The following CFAP70 variants were observed in gnomAD, a reference collection of about 807,000 sequenced individuals.
CFAP70 encodes cilia and flagella associated protein 70.
A neutral mutation model predicts 137.6 loss-of-function variants in CFAP70; 81 were observed. The ratio of observed to expected loss-of-function variants is 0.59; its 90% CI spans 0.49 to 0.71. The LOEUF is 0.71. Among genes scored for constraint, CFAP70 ranks in the 30% least tolerant of loss-of-function variants. The probability of loss-of-function intolerance (pLI) is 0.00; values close to 1 mark genes in which losing one functional copy is unlikely to be tolerated. For synonymous variants in CFAP70, 382 were observed against 423.6 expected (o/e 0.90, Z 1.20); for missense variants, 976 against 1,226.7 (o/e 0.80, Z 3.05).
At chr10:73,289,874 C>T (rs2131893500) in intron 19 of CFAP70, among the ~76,000 whole-genome samples, 1 of 151,930 alleles carries the variant, frequency 6.6e-6, no homozygotes, top group African/African-American at 2.4e-5. Flanking sequence ...GGTGAAACCC[C>T]ATCTCTACTA....
chr10:73,338,055 T>C (rs893129466), intron 6 of CFAP70, among the ~76,000 whole-genome samples: 14 of 152,130 alleles, frequency 9.2e-5, no homozygotes, highest in African/African-American at 2.9e-4. Flanking sequence ...TGGGGTAACG[T>C]TGGTAATTTT....
rs772177826 is a variant in CFAP70 at position 73,281,167 on chromosome 10, ATTAT to A, written c.2240-2834_2240-2831del. 1.1e-4 allele frequency among the ~76,000 whole-genome samples: 16 copies of A among 151,600 alleles called. No homozygotes were observed. The East Asian group carries it at 1.2e-3, about 11-fold the overall frequency. ...GATTTCTTCTTTGACCTGTGGGTTGATTATTTATTTATTTAGATCTGTATGTATT... is the reference window on the plus strand; with the variant it reads ...GATTTCTTCTTTGACCTGTGGGTTGATTATTTATTTAGATCTGTATGTATT... On this transcript the variant is annotated intron_variant, in intron 19 of 26. Coordinates refer to ENST00000310715, the Ensembl canonical transcript of CFAP70.
At chr10:73,293,505 T>TCA in intron 15 of CFAP70, 117 bp from the exon 17 acceptor site, 1 of 872,704 alleles carries the variant, frequency 1.1e-6, no homozygotes. Flanking sequence ...TACTGATTGA[T>TCA]GTCTATAATG....
chr10:73,358,916 T>G (rs1448065857), upstream of CFAP70: 2 of 152,274 alleles, frequency 1.3e-5, 1 homozygote, highest in South Asian at 4.1e-4. Context: ...GCCTGCTGTT[T>G]CCGCGGATGC....
rs189149272 is a variant in CFAP70, at chr10:73,345,676, G to A, written c.350-562C>T. Among the ~76,000 whole-genome samples the A allele has an allele frequency of 1.3e-3, 201 of 151,924 alleles. 1 individual carries two copies. Among genetic ancestry groups the A allele is most frequent in the Non-Finnish European group, 1.1e-3 (73 of 67,976 alleles). Reference sequence around the variant, plus strand: ...CAAAATTAGCCAGGCATGGTGGTGCGCGCCTGTAGTCCCAGCTGCTGGGGA... The same window carrying A: ...CAAAATTAGCCAGGCATGGTGGTGCACGCCTGTAGTCCCAGCTGCTGGGGA... On this transcript the variant is annotated intron_variant, in intron 4 of 26. Coordinates refer to ENST00000310715, the Ensembl canonical transcript of CFAP70.
intron 19 of CFAP70, among the ~76,000 whole-genome samples, chr10:73,282,225 G>A (rs904097564): frequency 1.3e-5 from 2 of 152,118 alleles, no homozygotes; most frequent in African/African-American, 2.4e-5. Context: ...GCTAGCTATC[G>A]GGGTGGAGGG....
chr10:73,286,335 T>A (rs1273543754), intron 19 of CFAP70, among the ~76,000 whole-genome samples: 15 of 151,924 alleles, frequency 9.9e-5, no homozygotes. Flanking sequence ...TCCCAGCTAC[T>A]CAGGAGGCTG....
chr10:73,297,302 G>T, intron 14 of CFAP70, 129 bp from the exon 16 acceptor site: 1 of 883,122 alleles, frequency 1.1e-6, no homozygotes, highest in Non-Finnish European at 1.6e-6. Flanking sequence ...TCCCTTGGTG[G>T]GTGGTAGACT....
intron 12 of CFAP70, among the ~76,000 whole-genome samples, chr10:73,303,744 C>G (rs1396073573): frequency 6.6e-6 from 1 of 152,018 alleles, no homozygotes; most frequent in African/African-American, 2.4e-5. Flanking sequence ...ATAAAAATTG[C>G]TTCTGTATTT....
Position 73,275,557 on chromosome 10 carries a change from T to G in CFAP70, c.2562A>C (p.Gln854His). 6.2e-7 allele frequency: 1 copy of G among 1,611,266 alleles called. No homozygotes were observed. The highest frequency in any genetic ancestry group is 8.5e-7 in the Non-Finnish European group (1 of 1,178,930). The change falls in exon 22 of 27, where the codon CAA becomes CAC. Residue 854 changes from glutamine (Q) to histidine (H), a missense_variant. Coordinates refer to ENST00000310715, the Ensembl canonical transcript of CFAP70. The surrounding 1 kb of genome is among the most constrained non-coding windows in gnomAD (Gnocchi z 4.0). ...AGTAATATTCACAGCTGGGGCCTCCTTGAGGGCATAACAGCTCATGTGCAA... is the reference window on the plus strand; with the variant it reads ...AGTAATATTCACAGCTGGGGCCTCCGTGAGGGCATAACAGCTCATGTGCAA...
chr10:73,343,303 G>C (rs1159935866), intron 5 of CFAP70, among the ~76,000 whole-genome samples: 3 of 152,058 alleles, frequency 2.0e-5, no homozygotes, highest in African/African-American at 7.2e-5. Context: ...AAGCTCATGA[G>C]CTGATGCTGC....
intron 25 of CFAP70, among the ~76,000 whole-genome samples, chr10:73,259,645 A>G (rs1301970838): frequency 6.6e-6 from 1 of 152,164 alleles, no homozygotes; most frequent in African/African-American, 2.4e-5. Context: ...CTTATTATAA[A>G]TATTGGCAGA....
chr10:73,325,131 G>T (rs535724782), intron 8 of CFAP70, among the ~76,000 whole-genome samples: 1 of 152,104 alleles, frequency 6.6e-6, no homozygotes, highest in Non-Finnish European at 1.5e-5. Flanking sequence ...GACTAACAGC[G>T]GATCTGTTGG....
intron 14 of CFAP70, 139 bp downstream of exon 15, chr10:73,298,768 A>G (rs1480701159): frequency 8.9e-6 from 6 of 674,048 alleles, no homozygotes; most frequent in African/African-American, 3.7e-5. Context: ...ACACTCTATC[A>G]TAGAGAACTT....
chr10:73,282,408 C>T (rs1271815632), intron 19 of CFAP70, among the ~76,000 whole-genome samples: 1 of 152,160 alleles, frequency 6.6e-6, no homozygotes, highest in Non-Finnish European at 1.5e-5. Context: ...ATCATAGTCC[C>T]AGGCGGGCCA....
intron 6 of CFAP70, among the ~76,000 whole-genome samples, chr10:73,335,864 G>A (rs1286073681): frequency 1.3e-5 from 2 of 149,762 alleles, no homozygotes; most frequent in African/African-American, 2.4e-5. Flanking sequence ...ACCTGGACCC[G>A]GTGCAGTGGC....
In CFAP70 at chr10:73,310,328, CAATAT is replaced by C. The variant is rs895798568; in HGVS notation, c.1165-84_1165-80del. 43 of 921,794 alleles carry C rather than the reference CAATAT, an allele frequency of 4.7e-5. No homozygotes were observed. The East Asian group carries it at 1.0e-3, about 22-fold the overall frequency. The allele number at this position is 921,794 out of a possible 1,614,324, so 57.1% of individuals were successfully genotyped here. A position where few individuals can be genotyped will look rare whatever the true frequency, so the allele number is the denominator to read the frequency against. On this transcript the variant is annotated intron_variant, in intron 11 of 26. Transcript: ENST00000310715. ...ATTTAGTAACATAAGATGATGCTCA[CAATAT>C]AATAAGTGAGAAAACTGCATATATA...
intron 25 of CFAP70, among the ~76,000 whole-genome samples, chr10:73,259,814 C>G (rs571842358): frequency 6.6e-6 from 1 of 152,012 alleles, no homozygotes; most frequent in Non-Finnish European, 1.5e-5. Flanking sequence ...AAAGATCGCT[C>G]GAGCCCATGT....
chr10:73,258,458 T>C (rs1011027798), intron 25 of CFAP70, among the ~76,000 whole-genome samples: 23 of 152,350 alleles, frequency 1.5e-4, no homozygotes, highest in South Asian at 1.4e-3. Context: ...AAACTGAGGA[T>C]GTATGTTGCC....
Sources: gnomAD v4.1 joint callset for allele counts (sites outside exome capture counted in the v4.1 genomes callset) on GRCh38, gnomAD v4.1.1 for gene constraint, Gnocchi (gnomAD v3.1) non-coding constraint, MANE v1.5 for transcripts, NCBI Gene and HGNC (gene_info 2026-07-23, HGNC 2026-07-21) for gene names.